CEP135: variants seen among roughly 807,000 people sequenced by gnomAD.
The protein encoded by CEP135 is centrosomal protein 135, also known as centrosomal protein of 135 kDa.
In CEP135, 142 loss-of-function variants were observed where a neutral mutation model predicts 157.3. The observed-to-expected ratio is 0.90, with a 90% CI of 0.79 to 1.04. The LOEUF (loss-of-function observed/expected upper bound fraction) is 1.04, where lower values mean the gene tolerates loss of function less well. Ranked by LOEUF, CEP135 falls within the 50% of genes least tolerant of loss-of-function variation. CEP135 has a pLI of 0.00. For missense variants in CEP135, 1,317 were observed against 1,309.2 expected (o/e 1.01, Z -0.09); for synonymous variants, 396 against 439.8 (o/e 0.90, Z 1.25).
intron 12 of CEP135, among the ~76,000 whole-genome samples, chr4:55,980,710 G>T (rs991295918): frequency 6.6e-5 from 10 of 152,168 alleles, no homozygotes; most frequent in African/African-American, 2.4e-4. Flanking sequence ...GAGGGAATTG[G>T]TATTCAGCTT....
chr4:55,960,925 CAAAAAAAAAAAAA>C (rs60103294), intron 6 of CEP135: 1 of 38,580 alleles, frequency 2.6e-5, no homozygotes, highest in Non-Finnish European at 4.7e-5. Context: ...GACTCCGTCT[CAAAAAAAAAAAAA>C]AAAAAAAAAA....
chr4:56,021,979 G>A (rs943361742), intron 24 of CEP135, among the ~76,000 whole-genome samples: 1 of 152,122 alleles, frequency 6.6e-6, no homozygotes. Flanking sequence ...GCAATGAGCT[G>A]TGATCGTGCC....
intron 14 of CEP135, among the ~76,000 whole-genome samples, chr4:55,988,829 C>T (rs923097899): frequency 2.6e-5 from 4 of 151,090 alleles, no homozygotes; most frequent in African/African-American, 9.7e-5. Flanking sequence ...GGCGTGGTGG[C>T]GGGCGCATGT....
chr4:55,993,650 C>CT (rs1011177322), intron 15 of CEP135, among the ~76,000 whole-genome samples: 1 of 152,196 alleles, frequency 6.6e-6, no homozygotes, highest in African/African-American at 2.4e-5. Context: ...TCACTTGTCA[C>CT]TTTCGTGTCC....
At chr4:55,952,269 C>A in intron 2 of CEP135, 26 bp downstream of exon 2, 2 of 1,298,646 alleles carry the variant, frequency 1.5e-6, no homozygotes, top group Non-Finnish European at 2.2e-6. Context: ...CAGTTTTCAA[C>A]CTTTATGATC....
Position 55,980,223 on chromosome 4 carries a change from T to A in CEP135, c.1554T>A (p.Tyr518Ter). Residue 518 changes from tyrosine (Y) to a stop codon, truncating the protein, a stop_gained, in exon 12 of 26, where the codon TAT (tyrosine) becomes TAA (stop). Coordinates refer to ENST00000257287, the MANE Select transcript of CEP135 (RefSeq NM_025009.5). LOFTEE classifies it high-confidence loss of function. ...LQRMLERFEK[Y>*]MEDIQSNVKL... The stretch of plus-strand genomic sequence containing the variant: ...GTATGCTAGAAAGATTTGAAAAATA[T>A]ATGGAAGATATACAGTCCAATGTTA... The A allele has an allele frequency of 6.3e-7, 1 of 1,588,780 alleles. No individual in the cohort carries two copies. Among genetic ancestry groups the A allele is most frequent in the Non-Finnish European group, 8.6e-7 (1 of 1,157,532 alleles).
intron 15 of CEP135, among the ~76,000 whole-genome samples, chr4:55,992,745 A>G (rs1420162676): frequency 6.6e-6 from 1 of 152,248 alleles, no homozygotes; most frequent in East Asian, 1.9e-4. Context: ...CAAAAGGTTT[A>G]GATGACTAAT....
rs377744366 is a variant in CEP135, at chr4:56,011,797, C to T, written c.2617-3C>T. 3.3e-5 allele frequency: 51 copies of T among 1,564,748 alleles called. No homozygotes were observed. In the African/African-American group the frequency reaches 3.6e-4, roughly 11 times the overall value. Reference sequence around the variant, plus strand: ...AGAAACAATTTTATTGTGATTAAACCAGGAAAAAGAAAATCAAGATTTGTT... The same window carrying T: ...AGAAACAATTTTATTGTGATTAAACTAGGAAAAAGAAAATCAAGATTTGTT... On this transcript the variant is annotated splice_polypyrimidine_tract_variant and splice_region_variant and intron_variant, in intron 20 of 25. Coordinates refer to ENST00000257287, the MANE Select transcript of CEP135 (RefSeq NM_025009.5).
At chr4:55,999,171 A>C (rs1433089799) in intron 15 of CEP135, 131 bp from the exon 16 acceptor site, 2 of 662,434 alleles carry the variant, frequency 3.0e-6, no homozygotes, top group Non-Finnish European at 5.2e-6. Flanking sequence ...ATTATACTGG[A>C]GGAGCTTTAA....
intron 9 of CEP135, among the ~76,000 whole-genome samples, chr4:55,970,037 CT>C (rs11404012): frequency 1.7e-3 from 239 of 141,222 alleles, no homozygotes; most frequent in Middle Eastern, 3.6e-3. Context: ...CCGTGCCTAG[CT>C]TTTTTTTTTT....
chr4:55,984,494 G>A (rs1729511268), intron 13 of CEP135, among the ~76,000 whole-genome samples: 1 of 152,164 alleles, frequency 6.6e-6, no homozygotes, highest in Non-Finnish European at 1.5e-5. Flanking sequence ...CTAAGCTACA[G>A]TAGCTATGCT....
intron 21 of CEP135, among the ~76,000 whole-genome samples, chr4:56,016,275 A>G (rs1470547053): frequency 1.3e-5 from 2 of 152,206 alleles, no homozygotes; most frequent in African/African-American, 4.8e-5. Context: ...TCCAGCCTCC[A>G]GAACTGTGAA....
rs765207289 is a variant in CEP135, at chr4:56,009,760, C to T, written c.2362C>T (p.Arg788Ter). ...CCAGCTGAAAGAAACATTGGTTAATCGAGATCGTGAGATAAACAGCCTCCG... is the reference window on the plus strand; with the variant it reads ...CCAGCTGAAAGAAACATTGGTTAATTGAGATCGTGAGATAAACAGCCTCCG... Reference protein sequence around the residue: ...VNQLKETLVNRDREINSLRRQ... With the variant: ...VNQLKETLVN Residue 788 changes from arginine to a stop codon, truncating the protein, a stop_gained, in exon 19 of 26, where the codon CGA becomes TGA. Transcript: ENST00000257287. LOFTEE classifies it high-confidence loss of function. 4.3e-6 allele frequency: 7 copies of T among 1,609,982 alleles called. No homozygotes were observed. The highest frequency in any genetic ancestry group is 2.2e-5 in the East Asian group (1 of 44,848).
chr4:56,028,611 A>T (rs967764806), intron 25 of CEP135, among the ~76,000 whole-genome samples: 27 of 141,080 alleles, frequency 1.9e-4, no homozygotes, highest in African/African-American at 6.5e-4. Flanking sequence ...TTGCTCAAGG[A>T]AAAAAAAAAA....
intron 25 of CEP135, among the ~76,000 whole-genome samples, chr4:56,027,224 CACAG>C (rs1731184314): frequency 6.6e-6 from 1 of 152,300 alleles, no homozygotes; most frequent in South Asian, 2.1e-4. Context: ...AAGAATGTGA[CACAG>C]ACATTTTCTC....
chr4:55,990,009 T>G (rs1729732106), intron 14 of CEP135, among the ~76,000 whole-genome samples: 1 of 152,238 alleles, frequency 6.6e-6, no homozygotes, highest in South Asian at 2.1e-4. Context: ...TTTATTTACA[T>G]ATTGTCTGTG....
At chr4:55,973,096 A>C (rs1269902617) in intron 10 of CEP135, among the ~76,000 whole-genome samples, 2 of 152,102 alleles carry the variant, frequency 1.3e-5, no homozygotes, top group South Asian at 2.1e-4. Context: ...GTAATCTTTC[A>C]ACTGTCTCAA....
intron 14 of CEP135, among the ~76,000 whole-genome samples, chr4:55,990,728 C>T (rs146840053): frequency 8.9e-4 from 135 of 152,270 alleles, no homozygotes; most frequent in Non-Finnish European, 1.7e-3. Flanking sequence ...GTCTCGAGCT[C>T]CTGGCCTCAA....
intron 11 of CEP135, among the ~76,000 whole-genome samples, chr4:55,976,235 CAAAA>C (rs749867669): frequency 6.3e-5 from 5 of 79,590 alleles, no homozygotes; most frequent in African/African-American, 7.4e-5. Flanking sequence ...GCCTGGGTGA[CAAAA>C]AAAAAAAAAA....
Sources: allele counts gnomAD v4.1 joint callset (sites outside exome capture counted in the v4.1 genomes callset), GRCh38; gene constraint gnomAD v4.1.1; transcripts MANE v1.5; gene names NCBI Gene and HGNC (gene_info 2026-07-23, HGNC 2026-07-21).